TGFBR3: variants seen among roughly 807,000 people sequenced by gnomAD.
TGFBR3 encodes the protein transforming growth factor beta receptor 3.
A neutral mutation model predicts 87.9 loss-of-function variants in TGFBR3; 46 were observed. That is an observed-to-expected ratio of 0.52 (90% CI 0.41 to 0.67). The LOEUF (loss-of-function observed/expected upper bound fraction) is 0.67. Among genes scored for constraint, TGFBR3 ranks in the 30% least tolerant of loss-of-function variants. The pLI is 0.00. For missense variants in TGFBR3, 866 were observed against 1,041.9 expected (o/e 0.83, Z 2.32); for synonymous variants, 381 against 391.6 (o/e 0.97, Z 0.32).
chr1:91,701,257 C>T (rs1265012885), intron 14 of TGFBR3, among the ~76,000 whole-genome samples: 12 of 151,818 alleles, frequency 7.9e-5, no homozygotes, highest in African/African-American at 2.9e-4. Context: ...GATTTCTGAG[C>T]ACAAACAATA....
At chr1:91,859,385 C>T (rs1434833600) in intron 2 of TGFBR3, among the ~76,000 whole-genome samples, 1 of 148,370 alleles carries the variant, frequency 6.7e-6, no homozygotes, top group Non-Finnish European at 1.5e-5. Context: ...TTCCATCAAG[C>T]CGCTTCTCTC....
chr1:91,765,736 A>G (rs1256474362), intron 3 of TGFBR3, among the ~76,000 whole-genome samples: 3 of 152,262 alleles, frequency 2.0e-5, no homozygotes, highest in African/African-American at 7.2e-5. Flanking sequence ...ATAGATAACA[A>G]AGATAAAATA....
At chr1:91,772,919 T>C (rs1423825527) in intron 3 of TGFBR3, among the ~76,000 whole-genome samples, 2 of 152,172 alleles carry the variant, frequency 1.3e-5, no homozygotes, top group African/African-American at 4.8e-5. Context: ...AGAACAAAAA[T>C]AGGATTGTCT....
intron 4 of TGFBR3, among the ~76,000 whole-genome samples, chr1:91,737,537 GCACCCTTCCAGAAAGAAGACCTCA>G (rs1186954587): frequency 6.6e-6 from 1 of 152,032 alleles, no homozygotes; most frequent in Non-Finnish European, 1.5e-5. Flanking sequence ...GCCTCTGCTT[GCACCCTTCCAGAAAGAAGACCTCA>G]CTAGCTCCCA....
intron 1 of TGFBR3, among the ~76,000 whole-genome samples, chr1:91,904,806 T>C (rs1679809042): frequency 6.6e-6 from 1 of 152,116 alleles, no homozygotes; most frequent in Non-Finnish European, 1.5e-5. Context: ...CCTCAGGTGA[T>C]CCGCCCACCT....
At chr1:91,860,881 G>A (rs546114613) in intron 2 of TGFBR3, among the ~76,000 whole-genome samples, 140 of 126,608 alleles carry the variant, frequency 1.1e-3, no homozygotes, top group African/African-American at 3.9e-3. Context: ...GCAGTGAGCC[G>A]AGATCAGGCC....
intron 2 of TGFBR3, among the ~76,000 whole-genome samples, chr1:91,812,643 C>T (rs1323221227): frequency 1.3e-5 from 2 of 152,150 alleles, no homozygotes; most frequent in Admixed American, 6.5e-5. Context: ...GGTGGAGTCT[C>T]GCTCAGTCGC....
chr1:91,884,854 G>A (rs1465169113), intron 1 of TGFBR3, among the ~76,000 whole-genome samples: 1 of 152,216 alleles, frequency 6.6e-6, no homozygotes, highest in Non-Finnish European at 1.5e-5. Context: ...TTTACTACCT[G>A]TGGAGACTTC....
intron 3 of TGFBR3, among the ~76,000 whole-genome samples, chr1:91,775,299 C>T (rs1261414187): frequency 2.0e-5 from 3 of 152,224 alleles, no homozygotes; most frequent in Admixed American, 6.5e-5. Flanking sequence ...CAGGGCCCCA[C>T]GTGATCCAAC....
chr1:91,829,682 C>T (rs1470678114), intron 2 of TGFBR3: 1 of 152,178 alleles, frequency 6.6e-6, no homozygotes, highest in Admixed American at 6.5e-5. Context: ...AGAAAACAAT[C>T]ACTATGAAAG....
At chr1:91,701,751 C>T (rs767030932) in intron 14 of TGFBR3, among the ~76,000 whole-genome samples, 12 of 152,232 alleles carry the variant, frequency 7.9e-5, no homozygotes, top group Non-Finnish European at 1.2e-4. Flanking sequence ...TGAAACAAGA[C>T]GTCCAACTGG....
intron 2 of TGFBR3, among the ~76,000 whole-genome samples, chr1:91,838,461 T>C (rs1471878833): frequency 6.8e-6 from 1 of 146,670 alleles, no homozygotes; most frequent in African/African-American, 2.5e-5. Flanking sequence ...GAAATCTCTT[T>C]TTTTTTTTTT....
chr1:91,688,780 A>C (rs961425297), intron 16 of TGFBR3, among the ~76,000 whole-genome samples: 2 of 152,134 alleles, frequency 1.3e-5, no homozygotes, highest in African/African-American at 4.8e-5. Context: ...GTCAGGTAAG[A>C]GGTTTTCATT....
At chr1:91,693,194 T>C (rs3754021) in intron 16 of TGFBR3, among the ~76,000 whole-genome samples, 22,268 of 152,248 alleles carry the variant, frequency 0.15, 1,812 homozygotes, top group Non-Finnish European at 0.19. Flanking sequence ...AAGAGCAATC[T>C]ATAAAATGAA....
chr1:91,861,536 ATT>A lies in TGFBR3; in HGVS notation c.-7_-6del. 1.2e-6 allele frequency: 2 copies of A among 1,613,170 alleles called. No homozygotes were observed. The highest frequency in any genetic ancestry group is 1.7e-6 in the Non-Finnish European group (2 of 1,179,134). ...AATCACATAATGGGAAGTCATTTTT[ATT>A]TCTCCAACAGTGCGTCTCGTCCAGT... On this transcript the variant is annotated 5_prime_UTR_variant, in exon 2 of 17. Transcript: ENST00000212355.
chr1:91,730,634 C>G (rs1260070223), intron 5 of TGFBR3, among the ~76,000 whole-genome samples: 1 of 152,222 alleles, frequency 6.6e-6, no homozygotes, highest in East Asian at 1.9e-4. Context: ...CCCAAATGCA[C>G]TCCTCCTTGG....
chr1:91,824,687 C>T (rs996720491), intron 2 of TGFBR3, among the ~76,000 whole-genome samples: 2 of 152,124 alleles, frequency 1.3e-5, no homozygotes, highest in Non-Finnish European at 2.9e-5. Context: ...ACAGGCCAGG[C>T]GCAGTAGCTC....
chr1:91,716,483 G>C (rs1672176840), intron 11 of TGFBR3, 85 bp downstream of exon 11: 1 of 1,613,556 alleles, frequency 6.2e-7, no homozygotes, highest in Non-Finnish European at 8.5e-7. Context: ...TTTAACATCT[G>C]ATTTTATTTT....
intron 14 of TGFBR3, among the ~76,000 whole-genome samples, chr1:91,706,434 A>G (rs1408540015): frequency 2.0e-5 from 3 of 152,212 alleles, no homozygotes; most frequent in Non-Finnish European, 4.4e-5. Flanking sequence ...ATAATACATT[A>G]GCATGCTAAA....
Sources: allele counts gnomAD v4.1 joint callset (sites outside exome capture counted in the v4.1 genomes callset), GRCh38; gene constraint gnomAD v4.1.1; transcripts MANE v1.5; gene names NCBI Gene and HGNC (gene_info 2026-07-23, HGNC 2026-07-21).